Variants in ADAM19 observed in about 807,000 individuals in gnomAD.
ADAM19 encodes disintegrin and metalloproteinase domain-containing protein 19.
A neutral mutation model predicts 114.7 loss-of-function variants in ADAM19; 65 were observed. The observed-to-expected ratio is 0.57, with a 90% CI of 0.46 to 0.70. The LOEUF is 0.70. ADAM19 is among the 30% of genes least tolerant of loss of function. The probability of loss-of-function intolerance (pLI) is 0.00; values close to 1 mark genes in which losing one functional copy is unlikely to be tolerated. For missense variants in ADAM19, 1,063 were observed against 1,204.7 expected, an observed-to-expected ratio of 0.88 and a Z score of 1.74; for synonymous variants, 466 against 460.5, an observed-to-expected ratio of 1.01 and a Z score of -0.15.
At chr5:157,547,094 A>G (rs989922057) in intron 3 of ADAM19, among the ~76,000 whole-genome samples, 3 of 152,238 alleles carry the variant, frequency 2.0e-5, no homozygotes, top group African/African-American at 7.2e-5. Flanking sequence ...CGTTATGGAA[A>G]GAGTACAGGA....
At chr5:157,499,748 A>C (rs1189900411) in intron 12 of ADAM19, 86 bp from the exon 13 acceptor site, 5 of 827,704 alleles carry the variant, frequency 6.0e-6, no homozygotes, top group Non-Finnish European at 9.8e-6. Context: ...ACACCCCTGG[A>C]ACCCCAGCTC....
intron 12 of ADAM19, among the ~76,000 whole-genome samples, 185 bp from the exon 13 acceptor site, chr5:157,499,847 C>T (rs1204120390): frequency 6.8e-6 from 1 of 148,106 alleles, no homozygotes; most frequent in Non-Finnish European, 1.5e-5. Context: ...TGCAATATCT[C>T]GGGTCACTGC....
At position 157,488,314 on chromosome 5, in the gene ADAM19, G is replaced by C. The variant is rs1026354886; in HGVS notation, c.2501C>G (p.Pro834Arg). ...QIERTESSRR[P>R]PPSRPIPPAP... Reference sequence around the variant, plus strand: ...GGGGGGAATTGGCCGGCTTGGAGGAGGCCTCCTGGACGACTCCGTCCTCTC... The same window carrying C: ...GGGGGGAATTGGCCGGCTTGGAGGACGCCTCCTGGACGACTCCGTCCTCTC... Residue 834 changes from proline (P) to arginine (R), a missense_variant, in exon 21 of 23, where the codon CCT (proline) becomes CGT (arginine). Transcript: ENST00000257527. The C allele has an allele frequency of 6.2e-7, 1 of 1,614,156 alleles. No individual in the cohort carries two copies. Among genetic ancestry groups the C allele is most frequent in the South Asian group, 1.1e-5 (1 of 91,086 alleles).
chr5:157,559,163 A>G (rs1287007792), intron 3 of ADAM19, among the ~76,000 whole-genome samples: 1 of 152,250 alleles, frequency 6.6e-6, no homozygotes, highest in Non-Finnish European at 1.5e-5. Flanking sequence ...ACATACTCAC[A>G]AAAGAAAACA....
At chr5:157,561,556 CCTT>C (rs1757510063) in intron 3 of ADAM19, among the ~76,000 whole-genome samples, 1 of 151,994 alleles carries the variant, frequency 6.6e-6, no homozygotes, top group South Asian at 2.1e-4. Context: ...AGAGTGGAAA[CCTT>C]CATCATCTAT....
intron 22 of ADAM19, 33 bp from the exon 23 acceptor site, chr5:157,481,035 T>A (rs1342701014): frequency 3.1e-6 from 5 of 1,613,850 alleles, no homozygotes; most frequent in South Asian, 1.1e-5. Context: ...GAGAGAGACA[T>A]CAGCTTGATG....
intron 21 of ADAM19, among the ~76,000 whole-genome samples, chr5:157,483,712 C>T (rs1041730021): frequency 2.0e-5 from 3 of 151,500 alleles, no homozygotes; most frequent in African/African-American, 7.3e-5. Flanking sequence ...CGGCTTACTG[C>T]AACCTCTGCC....
chr5:157,480,782 C>G lies in ADAM19; in HGVS notation c.*167G>C, dbSNP rs760622400. On this transcript the variant is annotated 3_prime_UTR_variant, in exon 23 of 23. Coordinates refer to ENST00000257527, the MANE Select transcript of ADAM19 (RefSeq NM_033274.5). ...AGTCCCTCTGGGCTTCCAAGGAAGC[C>G]GAGGAGGCACTGAGTCAACAGGGAG... is the stretch of plus-strand genomic sequence containing the variant. The G allele has an allele frequency of 4.8e-6, 7 of 1,452,796 alleles. No homozygotes were observed. Among genetic ancestry groups the G allele is most frequent in the Non-Finnish European group, 6.3e-6 (7 of 1,109,158 alleles). The allele number at this position is 1,452,796 out of a possible 1,614,324, so 90.0% of individuals were successfully genotyped here.
chr5:157,523,997 C>A (rs983126361), intron 5 of ADAM19, among the ~76,000 whole-genome samples: 3 of 152,252 alleles, frequency 2.0e-5, no homozygotes, highest in Admixed American at 6.5e-5. Flanking sequence ...CTTCCTCCAA[C>A]TGCTGTTCCT....
intron 3 of ADAM19, among the ~76,000 whole-genome samples, chr5:157,539,230 T>C (rs1756849833): frequency 6.6e-6 from 1 of 152,076 alleles, no homozygotes; most frequent in South Asian, 2.1e-4. Flanking sequence ...GCAGAAGATG[T>C]TTACAATATA....
rs947881670 is a variant in ADAM19 at position 157,480,708 on chromosome 5, C to G, written c.*241G>C. The G allele has an allele frequency of 7.5e-7, 1 of 1,334,234 alleles. No homozygotes were observed. Among genetic ancestry groups the G allele is most frequent in the African/African-American group, 1.5e-5 (1 of 67,112 alleles). The allele number at this position is 1,334,234 out of a possible 1,614,324, so 82.6% of individuals were successfully genotyped here. ...CCCTCCTCATACTCTCCCCTCCCTA[C>G]CTGGGGCTGTATATTGCACAAAACA... On this transcript the variant is annotated 3_prime_UTR_variant, in exon 23 of 23. Coordinates refer to ENST00000257527, the MANE Select transcript of ADAM19 (RefSeq NM_033274.5).
chr5:157,516,270 T>A (rs1756086953), intron 7 of ADAM19, among the ~76,000 whole-genome samples: 1 of 152,072 alleles, frequency 6.6e-6, no homozygotes, highest in African/African-American at 2.4e-5. Context: ...GACTGAGAAA[T>A]GAGCACGTTC....
chr5:157,518,324 G>C (rs1756154401), intron 7 of ADAM19, among the ~76,000 whole-genome samples: 1 of 151,756 alleles, frequency 6.6e-6, no homozygotes, highest in African/African-American at 2.4e-5. Context: ...GGGAGGAAGG[G>C]GCGGGGGGAG....
Position 157,480,891 on chromosome 5 carries a change from A to T in ADAM19, c.*58T>A. The T allele has an allele frequency of 6.2e-7, 1 of 1,612,564 alleles. No homozygotes were observed. The highest frequency in any genetic ancestry group is 1.1e-5 in the South Asian group (1 of 90,800). On this transcript the variant is annotated 3_prime_UTR_variant, in exon 23 of 23. Transcript: ENST00000257527. The stretch of plus-strand genomic sequence containing the variant: ...CATGCTTCTTCAGGGTTCCATGGCC[A>T]TGGGTCCTCTGCAGTGTCCAGAGAG...
intron 3 of ADAM19, among the ~76,000 whole-genome samples, chr5:157,552,952 T>G (rs1757244893): frequency 1.3e-5 from 2 of 152,104 alleles, no homozygotes; most frequent in Non-Finnish European, 2.9e-5. Context: ...AAGATCAACA[T>G]CCCATGTTCT....
intron 5 of ADAM19, among the ~76,000 whole-genome samples, chr5:157,526,509 G>A (rs1756466347): frequency 6.6e-6 from 1 of 152,188 alleles, no homozygotes; most frequent in South Asian, 2.1e-4. Context: ...GGCTCAGTCA[G>A]AGACACCTTA....
At chr5:157,555,347 G>A (rs556504244) in intron 3 of ADAM19, among the ~76,000 whole-genome samples, 5 of 152,316 alleles carry the variant, frequency 3.3e-5, no homozygotes, top group African/African-American at 1.2e-4. Context: ...TTGTTAATAT[G>A]TGACAATCAT....
At chr5:157,501,640 C>G (rs531052962) in intron 12 of ADAM19, among the ~76,000 whole-genome samples, 1 of 152,306 alleles carries the variant, frequency 6.6e-6, no homozygotes, top group South Asian at 2.1e-4. Context: ...TCCCTCCTTT[C>G]TGATGGGTCT....
At chr5:157,549,335 C>T (rs1050844998) in intron 3 of ADAM19, among the ~76,000 whole-genome samples, 15 of 152,180 alleles carry the variant, frequency 9.9e-5, no homozygotes, top group Admixed American at 5.9e-4. Flanking sequence ...AAAAGCAACC[C>T]GTTCCCCAAC....
Sources: gnomAD v4.1 joint callset for allele counts (sites outside exome capture counted in the v4.1 genomes callset) on GRCh38, gnomAD v4.1.1 for gene constraint, MANE v1.5 for transcripts, NCBI Gene and HGNC (gene_info 2026-07-23, HGNC 2026-07-21) for gene names.